CDK19: variants seen among roughly 807,000 people sequenced by gnomAD.
CDK19 encodes the protein cyclin dependent kinase 19.
Under a neutral mutation model 68.3 loss-of-function variants are expected in CDK19, and 20 were observed. The observed-to-expected ratio is 0.29, with a 90% CI of 0.21 to 0.43. The LOEUF is 0.43. CDK19 is among the 20% of genes least tolerant of loss of function. The pLI, the probability that CDK19 is intolerant of heterozygous loss-of-function variation, is 1.00. For synonymous variants in CDK19, 221 were observed against 222.8 expected, an observed-to-expected ratio of 0.99 and a Z score of 0.07; for missense variants, 339 against 623.5, an observed-to-expected ratio of 0.54 and a Z score of 4.86.
chr6:110,677,182 G>A (rs1453185107), intron 2 of CDK19, among the ~76,000 whole-genome samples: 3 of 152,134 alleles, frequency 2.0e-5, no homozygotes, highest in African/African-American at 4.8e-5. Flanking sequence ...ATCCTTAACT[G>A]ATCATCTGTC....
chr6:110,666,673 C>T (rs1781964365), intron 4 of CDK19, among the ~76,000 whole-genome samples: 1 of 152,006 alleles, frequency 6.6e-6, no homozygotes, highest in South Asian at 2.1e-4. Flanking sequence ...TACCATATCC[C>T]CAGAATTCTC....
At position 110,809,631 on chromosome 6, in the gene CDK19, G is replaced by A. The variant is rs931858107; in HGVS notation, c.128+5378C>T. 4.6e-5 allele frequency among the ~76,000 whole-genome samples: 7 copies of A among 152,168 alleles called. No individual in the cohort carries two copies. In the East Asian group the frequency reaches 5.8e-4, roughly 13 times the overall value. On this transcript the variant is annotated intron_variant, in intron 1 of 12. Coordinates refer to ENST00000368911, the MANE Select transcript of CDK19 (RefSeq NM_015076.5). ...ACCACCTATTTCATATAACATTACT[G>A]TATTTCAGGCTTTCAAAGCAATTAC...
intron 2 of CDK19, among the ~76,000 whole-genome samples, chr6:110,702,801 C>T (rs1209350965): frequency 1.3e-5 from 2 of 152,024 alleles, no homozygotes; most frequent in East Asian, 1.9e-4. Flanking sequence ...GGTACATGCA[C>T]AAAAAACGTC....
Position 110,815,349 on chromosome 6 carries a change from C to A in CDK19, c.-213G>T. The stretch of plus-strand genomic sequence containing the variant: ...CCTCCTCCACCTCTTCCTCCTCCTC[C>A]TCCGCGACGGCGGCGGCGGCTCCCG... On this transcript the variant is annotated 5_prime_UTR_variant, in exon 1 of 13. In the 5' UTR this introduces an upstream ATG that the reference lacks. Transcript: ENST00000368911. 2.4e-6 allele frequency: 1 copy of A among 420,360 alleles called. No homozygotes were observed. Among genetic ancestry groups the A allele is most frequent in the Non-Finnish European group, 4.0e-6 (1 of 247,888 alleles). The allele number at this position is 420,360 out of a possible 1,614,324, so 26.0% of individuals were successfully genotyped here.
intron 2 of CDK19, among the ~76,000 whole-genome samples, chr6:110,673,194 C>T (rs1771166270): frequency 6.6e-6 from 1 of 152,150 alleles, no homozygotes; most frequent in Non-Finnish European, 1.5e-5. Context: ...TGGAACCATA[C>T]AGTGTCTGCC....
chr6:110,676,751 T>C (rs1000478674), intron 2 of CDK19, among the ~76,000 whole-genome samples: 9 of 152,220 alleles, frequency 5.9e-5, no homozygotes, highest in Admixed American at 3.3e-4. Flanking sequence ...TGGACACTTA[T>C]AGCAGTGTAT....
At chr6:110,641,585 A>C (rs528173406) in intron 4 of CDK19, among the ~76,000 whole-genome samples, 7 of 141,634 alleles carry the variant, frequency 4.9e-5, no homozygotes. Flanking sequence ...ACAGAGTGAG[A>C]CTCCATCAAA....
chr6:110,637,382 A>G (rs759919422), intron 5 of CDK19, among the ~76,000 whole-genome samples: 1 of 152,214 alleles, frequency 6.6e-6, no homozygotes, highest in African/African-American at 2.4e-5. Flanking sequence ...ATTAACATCA[A>G]CAAACTTCTG....
chr6:110,809,149 A>G (rs543802352), intron 1 of CDK19, among the ~76,000 whole-genome samples: 5 of 151,760 alleles, frequency 3.3e-5, no homozygotes, highest in Non-Finnish European at 5.9e-5. Flanking sequence ...CAGGAGGCGC[A>G]GCTTGCAGTG....
In CDK19 at chr6:110,621,351, T is replaced by G. The variant is rs756783771; in HGVS notation, c.1130A>C (p.Asn377Thr). 6 of 1,558,862 alleles carry G rather than the reference T, an allele frequency of 3.8e-6. No homozygotes were observed. Among genetic ancestry groups the G allele is most frequent in the Admixed American group, 2.0e-5 (1 of 48,932 alleles). Residue 377 changes from asparagine (N) to threonine (T), a missense_variant, in exon 12 of 13, where the codon AAC becomes ACC. Physicochemically the swap from Asn to Thr is moderately conservative, Grantham distance 65. This residue lies in a region of CDK19 where 155 missense variants were observed against 222.7 expected (regional missense o/e 0.70). Transcript: ENST00000368911. The surrounding 1 kb of genome is among the most constrained non-coding windows in gnomAD (Gnocchi z 5.4). ...KGDKNQQQQQ[N>T]QHQQPTAPPQ... ...AGGGGCTGTGGGCTGCTGATGCTGGTTCTGCTGCTGTTGCTGATTCTTTTA... is the reference window on the plus strand; with the variant it reads ...AGGGGCTGTGGGCTGCTGATGCTGGGTCTGCTGCTGTTGCTGATTCTTTTA...
chr6:110,705,579 A>G (rs575205396), intron 2 of CDK19, among the ~76,000 whole-genome samples: 32 of 152,304 alleles, frequency 2.1e-4, no homozygotes, highest in African/African-American at 7.0e-4. Flanking sequence ...TCTGAAAAAG[A>G]GCTATTTAAG....
At chr6:110,695,623 G>A (rs1304004060) in intron 2 of CDK19, among the ~76,000 whole-genome samples, 1 of 152,002 alleles carries the variant, frequency 6.6e-6, no homozygotes, top group East Asian at 1.9e-4. Flanking sequence ...AAAGAAGAGA[G>A]AAGATCGAAA....
rs745849640 is a variant in CDK19, at chr6:110,613,836, T to C, written c.*699A>G. ...AGATGATGCTGGGAACTCAGTTCCATATGAATGATTCTATAAAAATTACCA... is the reference window on the plus strand; with the variant it reads ...AGATGATGCTGGGAACTCAGTTCCACATGAATGATTCTATAAAAATTACCA... On this transcript the variant is annotated 3_prime_UTR_variant, in exon 13 of 13. Transcript: ENST00000368911. 34 of 152,642 alleles carry C rather than the reference T, an allele frequency of 2.2e-4. No homozygotes were observed. The highest frequency in any genetic ancestry group is 4.3e-4 in the Non-Finnish European group (29 of 68,028). The allele number at this position is 152,642 out of a possible 1,614,324, so 9.5% of individuals were successfully genotyped here.
chr6:110,638,425 T>C (rs537781254), intron 5 of CDK19, among the ~76,000 whole-genome samples: 27 of 152,346 alleles, frequency 1.8e-4, no homozygotes, highest in Middle Eastern at 3.4e-3. Context: ...GTGAACTAGC[T>C]TGTCAATTTC....
intron 2 of CDK19, among the ~76,000 whole-genome samples, chr6:110,676,900 G>GT (rs1771580153): frequency 6.6e-6 from 1 of 152,160 alleles, no homozygotes; most frequent in African/African-American, 2.4e-5. Flanking sequence ...GTCTGCCTGT[G>GT]TAAGAGGGAA....
intron 1 of CDK19, among the ~76,000 whole-genome samples, chr6:110,780,876 A>T (rs549023154): frequency 6.6e-6 from 1 of 152,238 alleles, no homozygotes; most frequent in Admixed American, 6.5e-5. Context: ...TACTTTTAAA[A>T]TTTTTTAAAG....
intron 1 of CDK19, among the ~76,000 whole-genome samples, chr6:110,764,371 G>A (rs1487995767): frequency 6.6e-6 from 1 of 152,174 alleles, no homozygotes; most frequent in Non-Finnish European, 1.5e-5. Context: ...TAAAGCCACA[G>A]TAATCAAGAC....
chr6:110,792,686 G>A (rs183720188), intron 1 of CDK19, among the ~76,000 whole-genome samples: 10 of 152,298 alleles, frequency 6.6e-5, no homozygotes, highest in Admixed American at 3.9e-4. Flanking sequence ...CATTCATGGC[G>A]AATACTTTTT....
chr6:110,667,470 A>T lies in CDK19; in HGVS notation c.420T>A (p.His140Gln), dbSNP rs1259552312. Residue 140 changes from histidine to glutamine, a missense_variant, in exon 4 of 13, where the codon CAT (histidine) becomes CAA (glutamine). His to Gln is a conservative substitution (Grantham distance 24). Coordinates refer to ENST00000368911, the MANE Select transcript of CDK19 (RefSeq NM_015076.5). ...GAAGCACCCAATTTGCATGGAGGTA[A>T]TGGATACCATCAAGAATCTGGTAAA... ...SLLYQILDGI[H>Q]YLHANWVLHR... 1 of 1,595,916 alleles carries T rather than the reference A, an allele frequency of 6.3e-7. No individual in the cohort carries two copies. Among genetic ancestry groups the T allele is most frequent in the African/African-American group, 1.3e-5 (1 of 74,430 alleles).
Sources: gnomAD v4.1 joint callset for allele counts (sites outside exome capture counted in the v4.1 genomes callset) on GRCh38, gnomAD v4.1.1 for gene constraint, gnomAD v4.1.1 regional missense constraint, Gnocchi (gnomAD v3.1) non-coding constraint, MANE v1.5 for transcripts, NCBI Gene and HGNC (gene_info 2026-07-23, HGNC 2026-07-21) for gene names.